The following ADGRV1 variants were observed in gnomAD, a reference collection of about 807,000 sequenced individuals.
ADGRV1 encodes adhesion G protein-coupled receptor V1.
A neutral mutation model predicts 596.2 loss-of-function variants in ADGRV1; 359 were observed. The ratio of observed to expected loss-of-function variants is 0.60; its 90% CI spans 0.55 to 0.66. The LOEUF (loss-of-function observed/expected upper bound fraction) is 0.66, where lower values mean the gene tolerates loss of function less well. Ranked by LOEUF, ADGRV1 falls within the 30% of genes least tolerant of loss-of-function variation. ADGRV1 has a pLI of 0.00. For missense variants in ADGRV1, 7,274 were observed against 7,575.6 expected (o/e 0.96, Z 1.48); for synonymous variants, 2,681 against 2,679.2 (o/e 1.00, Z -0.02).
At chr5:90,822,210 C>G (rs924963846) in intron 75 of ADGRV1, 5 of 153,552 alleles carry the variant, frequency 3.3e-5, no homozygotes, top group Admixed American at 6.5e-5. Context: ...TTCTTTGACT[C>G]GGAAAGGAAA....
At chr5:90,881,912 T>C (rs1179089263) in intron 83 of ADGRV1, among the ~76,000 whole-genome samples, 4 of 152,078 alleles carry the variant, frequency 2.6e-5, no homozygotes, top group African/African-American at 9.7e-5. Flanking sequence ...TCTTGCTTTG[T>C]TGCTCAAGCT....
chr5:90,798,985 T>TA (rs1761058216), intron 70 of ADGRV1, among the ~76,000 whole-genome samples: 1 of 152,056 alleles, frequency 6.6e-6, no homozygotes, highest in South Asian at 2.1e-4. Flanking sequence ...GAATGGGCAA[T>TA]AACTAGAAGC....
At chr5:91,024,441 C>T (rs1401759240) in intron 85 of ADGRV1, among the ~76,000 whole-genome samples, 1 of 152,108 alleles carries the variant, frequency 6.6e-6, no homozygotes, top group Non-Finnish European at 1.5e-5. Context: ...AAACATTAAA[C>T]CCTTGTTTAC....
chr5:90,736,462 T>C (rs1040827357), intron 50 of ADGRV1, among the ~76,000 whole-genome samples: 3 of 152,076 alleles, frequency 2.0e-5, no homozygotes, highest in African/African-American at 4.8e-5. Context: ...TTGGCCTTTA[T>C]ATCAGGATAA....
rs773629275 is a variant in ADGRV1 at position 90,637,881 on chromosome 5, A to G, written c.2173A>G (p.Ile725Val). ...TTTATCTGGGCAAAGTGACACAACA[A>G]TCAACATTACTATCAAAGGTGATGA... Reference protein sequence around the residue: ...LFLSGQSDTTINITIKGDDIP... With the variant: ...LFLSGQSDTTVNITIKGDDIP... The change falls in exon 11 of 90, where the codon ATC (isoleucine) becomes GTC (valine). Residue 725 changes from isoleucine to valine, a missense_variant. Around this residue, in one of 5 missense-constraint regions of ADGRV1, gnomAD observed 1,715 missense variants for 1,708.8 expected, o/e 1.00. Transcript: ENST00000405460. 6 of 1,613,730 alleles carry G rather than the reference A, an allele frequency of 3.7e-6. No homozygotes were observed. The highest frequency in any genetic ancestry group is 2.2e-5 in the East Asian group (1 of 44,860).
intron 83 of ADGRV1, among the ~76,000 whole-genome samples, chr5:90,962,715 G>T (rs1043273739): frequency 6.6e-6 from 1 of 152,144 alleles, no homozygotes; most frequent in Non-Finnish European, 1.5e-5. Context: ...CTAATCTCCT[G>T]TACAGACAGA....
At chr5:90,834,564 C>A (rs1764798260) in intron 77 of ADGRV1, among the ~76,000 whole-genome samples, 1 of 145,324 alleles carries the variant, frequency 6.9e-6, no homozygotes, top group Admixed American at 6.9e-5. Context: ...TTTTAGGATT[C>A]TTTTTTTTTT....
intron 83 of ADGRV1, among the ~76,000 whole-genome samples, chr5:90,910,910 T>A (rs1202608164): frequency 6.6e-5 from 10 of 152,206 alleles, no homozygotes; most frequent in Non-Finnish European, 1.0e-4. Context: ...ACAAGTTTTT[T>A]AAATCAGTTT....
At chr5:90,583,672 C>G (rs1758368043) in intron 1 of ADGRV1, among the ~76,000 whole-genome samples, 1 of 152,132 alleles carries the variant, frequency 6.6e-6, no homozygotes, top group African/African-American at 2.4e-5. Flanking sequence ...AGGCCTACAA[C>G]TAATTACCTT....
chr5:91,028,037 C>CTT (rs748293256), intron 85 of ADGRV1, among the ~76,000 whole-genome samples: 13 of 102,608 alleles, frequency 1.3e-4, no homozygotes, highest in African/African-American at 4.0e-4. Context: ...TTTTTTCTTT[C>CTT]TTTTTTTTTT....
At chr5:91,037,215 T>C (rs1179353625) in intron 85 of ADGRV1, among the ~76,000 whole-genome samples, 1 of 152,190 alleles carries the variant, frequency 6.6e-6, no homozygotes, top group Non-Finnish European at 1.5e-5. Flanking sequence ...CAATCTTTTA[T>C]AACAGGTACA....
At chr5:91,141,403 C>G (rs1435505047) in intron 87 of ADGRV1, among the ~76,000 whole-genome samples, 1 of 152,162 alleles carries the variant, frequency 6.6e-6, no homozygotes, top group Admixed American at 6.5e-5. Flanking sequence ...TAATTGCTTA[C>G]ACAGATTTCC....
At chr5:90,907,730 G>C (rs1772458179) in intron 83 of ADGRV1, among the ~76,000 whole-genome samples, 1 of 151,864 alleles carries the variant, frequency 6.6e-6, no homozygotes, top group African/African-American at 2.4e-5. Flanking sequence ...ATTCTCTAGG[G>C]TTTTCTAAGG....
intron 87 of ADGRV1, among the ~76,000 whole-genome samples, chr5:91,127,428 C>T (rs1055842997): frequency 1.3e-5 from 2 of 151,596 alleles, no homozygotes; most frequent in African/African-American, 4.9e-5. Flanking sequence ...GTCCCAGCTA[C>T]TCCAGAGGCT....
intron 1 of ADGRV1, among the ~76,000 whole-genome samples, chr5:90,581,900 T>G (rs530872165): frequency 6.6e-6 from 1 of 152,358 alleles, no homozygotes; most frequent in East Asian, 1.9e-4. Flanking sequence ...CTCATTAGTT[T>G]CAAATAATTT....
At chr5:90,886,533 A>G (rs1217770781) in intron 83 of ADGRV1, among the ~76,000 whole-genome samples, 1 of 152,196 alleles carries the variant, frequency 6.6e-6, no homozygotes, top group African/African-American at 2.4e-5. Context: ...CTCTCGATAA[A>G]TGATCTCATC....
At chr5:90,895,467 A>G (rs1003997718) in intron 83 of ADGRV1, among the ~76,000 whole-genome samples, 3 of 152,232 alleles carry the variant, frequency 2.0e-5, no homozygotes, top group Admixed American at 6.5e-5. Context: ...GCAAAGGCCC[A>G]GAGGCCTGAA....
chr5:90,736,305 A>T (rs1753210842), intron 50 of ADGRV1, among the ~76,000 whole-genome samples: 1 of 152,058 alleles, frequency 6.6e-6, no homozygotes, highest in African/African-American at 2.4e-5. Context: ...ACCATCCATA[A>T]ATTCCAAGAA....
chr5:90,861,970 T>C (rs1213621509), intron 82 of ADGRV1, among the ~76,000 whole-genome samples: 3 of 152,158 alleles, frequency 2.0e-5, no homozygotes, highest in Non-Finnish European at 4.4e-5. Flanking sequence ...TGATGCGTTA[T>C]AGTTATAGGC....
Sources: gnomAD v4.1 joint callset for allele counts (sites outside exome capture counted in the v4.1 genomes callset) on GRCh38, gnomAD v4.1.1 for gene constraint, gnomAD v4.1.1 regional missense constraint, MANE v1.5 for transcripts, NCBI Gene and HGNC (gene_info 2026-07-23, HGNC 2026-07-21) for gene names.